R3HDM2: variants seen among roughly 807,000 people sequenced by gnomAD.
R3HDM2 encodes the protein R3H domain containing 2.
A neutral mutation model predicts 124.5 loss-of-function variants in R3HDM2; 38 were observed. That is an observed-to-expected ratio of 0.31 (90% CI 0.24 to 0.40). The LOEUF (loss-of-function observed/expected upper bound fraction) is 0.40. Ranked by LOEUF, R3HDM2 falls within the 10% of genes least tolerant of loss-of-function variation. The probability of loss-of-function intolerance (pLI) is 1.00; values close to 1 mark genes in which losing one functional copy is unlikely to be tolerated. For missense variants in R3HDM2, 869 were observed against 1,236.9 expected, an observed-to-expected ratio of 0.70 and a Z score of 4.46; for synonymous variants, 391 against 448.0, an observed-to-expected ratio of 0.87 and a Z score of 1.61.
chr12:57,273,553 G>C (rs1216922077), intron 14 of R3HDM2, among the ~76,000 whole-genome samples: 1 of 152,114 alleles, frequency 6.6e-6, no homozygotes, highest in Non-Finnish European at 1.5e-5. Flanking sequence ...GAATCCTATA[G>C]GGAGATATAA....
chr12:57,414,486 T>TAAAAAAAAA (rs534205889), intron 1 of R3HDM2, among the ~76,000 whole-genome samples: 38 of 66,604 alleles, frequency 5.7e-4, no homozygotes, highest in Non-Finnish European at 6.3e-4. Context: ...AAGACTCCAT[T>TAAAAAAAAA]AAAAAAAAAA....
intron 2 of R3HDM2, among the ~76,000 whole-genome samples, chr12:57,337,924 T>C (rs2059068851): frequency 6.6e-6 from 1 of 152,258 alleles, no homozygotes; most frequent in South Asian, 2.1e-4. Flanking sequence ...CTAAAAATTT[T>C]CATCTGTCAG....
rs533875898 is a variant in R3HDM2, at chr12:57,307,381, C to T, written c.165+2883G>A. Among the ~76,000 whole-genome samples, 6 of 151,376 alleles carry T rather than the reference C, an allele frequency of 4.0e-5. No individual in the cohort carries two copies. In the South Asian group the frequency reaches 1.3e-3, roughly 32 times the overall value. On this transcript the variant is annotated intron_variant, in intron 3 of 23. Coordinates refer to ENST00000402412, the MANE Select transcript of R3HDM2 (RefSeq NM_001394031.1). ...TCACCCAGGCTGGAGTGCAGTGGTG[C>T]GATTTTGGGCCACTGCAACCTCTGC...
At chr12:57,387,858 T>C (rs1008836960) in intron 2 of R3HDM2, among the ~76,000 whole-genome samples, 1 of 152,134 alleles carries the variant, frequency 6.6e-6, no homozygotes, top group African/African-American at 2.4e-5. Flanking sequence ...AGTTGAAACC[T>C]TGGATTTTAA....
At position 57,254,542 on chromosome 12, in the gene R3HDM2, G is replaced by T; in HGVS notation, c.*231C>A. The T allele has an allele frequency of 4.2e-6, 2 of 477,288 alleles. No homozygotes were observed. The highest frequency in any genetic ancestry group is 7.3e-6 in the Non-Finnish European group (2 of 273,304). 29.6% of individuals were successfully genotyped at this position (477,288 alleles called of 1,614,324 possible). Reference sequence around the variant, plus strand: ...AAAAAAAAGAAGAGGATGGGAAGAAGAGTGATGCAAGGGGGGTCAACCAGG... The same window carrying T: ...AAAAAAAAGAAGAGGATGGGAAGAATAGTGATGCAAGGGGGGTCAACCAGG... On this transcript the variant is annotated 3_prime_UTR_variant, in exon 24 of 24. Transcript: ENST00000402412.
At chr12:57,338,064 G>A (rs890149060) in intron 2 of R3HDM2, among the ~76,000 whole-genome samples, 1 of 152,238 alleles carries the variant, frequency 6.6e-6, no homozygotes, top group Non-Finnish European at 1.5e-5. Context: ...AGCTCTTTGT[G>A]AGGCTGAGAT....
At chr12:57,365,276 A>T (rs967498549) in intron 2 of R3HDM2, among the ~76,000 whole-genome samples, 10 of 148,724 alleles carry the variant, frequency 6.7e-5, no homozygotes, top group African/African-American at 2.5e-5. Context: ...AAAAAAAAGA[A>T]AAAAAAAAAA....
intron 2 of R3HDM2, among the ~76,000 whole-genome samples, chr12:57,363,867 T>TA (rs776661796): frequency 8.2e-4 from 118 of 143,414 alleles, no homozygotes; most frequent in Non-Finnish European, 9.1e-4. Flanking sequence ...CTCCATCTCT[T>TA]AAAAAAAAAA....
intron 19 of R3HDM2, among the ~76,000 whole-genome samples, chr12:57,266,424 A>G (rs905665467): frequency 6.8e-6 from 1 of 146,040 alleles, no homozygotes; most frequent in African/African-American, 2.6e-5. Flanking sequence ...AGTAGAGTCA[A>G]AGTCTTGCTA....
At chr12:57,400,604 A>C (rs918716046) in intron 1 of R3HDM2, among the ~76,000 whole-genome samples, 3 of 152,176 alleles carry the variant, frequency 2.0e-5, no homozygotes, top group Non-Finnish European at 2.9e-5. Context: ...TTAAAAAAAA[A>C]CAATAAACAC....
chr12:57,384,120 G>A (rs542674993), intron 2 of R3HDM2, among the ~76,000 whole-genome samples: 32 of 152,216 alleles, frequency 2.1e-4, no homozygotes, highest in African/African-American at 7.2e-4. Context: ...CCAGCACTTC[G>A]GGAGGTCGAG....
Position 57,258,955 on chromosome 12 carries a change from A to G in R3HDM2, c.2236T>C (p.Tyr746His). The change falls in exon 20 of 24, where the codon TAC (tyrosine) becomes CAC (histidine). Residue 746 changes from tyrosine to histidine, a missense_variant. Tyr to His is a moderately conservative substitution (Grantham distance 83). Around this residue, in one of 2 missense-constraint regions of R3HDM2, gnomAD observed 602 missense variants for 789.2 expected, o/e 0.76. Transcript: ENST00000402412. ...TGCCCCCGCTGGTCCATGCTGTAGT[A>G]TTTACAATGACTCCACTGGACCATG... ...PSMVQWSHCK[Y>H]YSMDQRGQKP... 1 of 1,612,750 alleles carries G rather than the reference A, an allele frequency of 6.2e-7. No homozygotes were observed. The highest frequency in any genetic ancestry group is 8.5e-7 in the Non-Finnish European group (1 of 1,179,948).
intron 2 of R3HDM2, among the ~76,000 whole-genome samples, chr12:57,357,978 T>C (rs1464962651): frequency 1.3e-5 from 2 of 151,676 alleles, no homozygotes; most frequent in Non-Finnish European, 2.9e-5. Context: ...ACTCATTTCT[T>C]TTTTTCTTTT....
chr12:57,385,508 C>T (rs905222194), intron 2 of R3HDM2, among the ~76,000 whole-genome samples: 4 of 152,004 alleles, frequency 2.6e-5, no homozygotes, highest in African/African-American at 9.7e-5. Flanking sequence ...TCCCAAAGTG[C>T]TGGGATTACA....
intron 4 of R3HDM2, 44 bp downstream of exon 4, chr12:57,303,132 A>G (rs1248039765): frequency 2.1e-6 from 3 of 1,432,448 alleles, no homozygotes; most frequent in Admixed American, 4.0e-5. Flanking sequence ...TGTGAAATGT[A>G]TTACTAATAA....
chr12:57,310,465 T>C lies in R3HDM2; in HGVS notation c.-35-2A>G. On this transcript the variant is annotated splice_acceptor_variant, in intron 2 of 23. Coordinates refer to ENST00000402412, the MANE Select transcript of R3HDM2 (RefSeq NM_001394031.1). LOFTEE classifies it low-confidence loss of function (5UTR_SPLICE). ...GAATACAGTGGCCTCTATGGACTCC[T>C]AAAGAAACATCAAATGCATTAAGCA... is the stretch of plus-strand genomic sequence containing the variant. The C allele has an allele frequency of 7.0e-7, 1 of 1,428,592 alleles. No individual in the cohort carries two copies. The highest frequency in any genetic ancestry group is 1.6e-5 in the South Asian group (1 of 64,354). The allele number at this position is 1,428,592 out of a possible 1,614,324, so 88.5% of individuals were successfully genotyped here.
Position 57,428,116 on chromosome 12 carries a change from T to A in R3HDM2, c.-106+2604A>T, listed in dbSNP as rs1344701618. The stretch of plus-strand genomic sequence containing the variant: ...GCCTGGGTGACAGAGCGAGACTCCA[T>A]CTCAAAAAAAAAAAAGAGTGAAATT... On this transcript the variant is annotated intron_variant, in intron 1 of 23. Coordinates refer to ENST00000402412, the MANE Select transcript of R3HDM2 (RefSeq NM_001394031.1). 4.1e-5 allele frequency among the ~76,000 whole-genome samples: 6 copies of A among 147,004 alleles called. No homozygotes were observed. The East Asian group carries it at 1.2e-3, about 30-fold the overall frequency.
intron 19 of R3HDM2, among the ~76,000 whole-genome samples, chr12:57,261,622 C>T (rs769558297): frequency 3.3e-5 from 5 of 152,160 alleles, no homozygotes; most frequent in Non-Finnish European, 4.4e-5. Context: ...TGGCCTGAAG[C>T]ATTGTTCCTT....
intron 1 of R3HDM2, 106 bp downstream of exon 1, chr12:57,430,614 G>C (rs1428275606): frequency 1.0e-6 from 1 of 984,508 alleles, no homozygotes; most frequent in Non-Finnish European, 1.2e-6. Context: ...CCGGGCGCGA[G>C]GAACCCAGGC....
Sources: gnomAD v4.1 joint callset for allele counts (sites outside exome capture counted in the v4.1 genomes callset) on GRCh38, gnomAD v4.1.1 for gene constraint, gnomAD v4.1.1 regional missense constraint, MANE v1.5 for transcripts, NCBI Gene and HGNC (gene_info 2026-07-23, HGNC 2026-07-21) for gene names.